CSMD1: variants seen among roughly 807,000 people sequenced by gnomAD.
CSMD1 encodes the protein CUB and Sushi multiple domains 1.
CSMD1 carries 213 observed loss-of-function variants against 417.5 expected under a neutral mutation model. The ratio of observed to expected loss-of-function variants is 0.51; its 90% CI spans 0.46 to 0.57. The LOEUF is 0.57. CSMD1 is among the 20% of genes least tolerant of loss of function. The pLI is 0.00. For synonymous variants in CSMD1, 2,862 were observed against 1,736.8 expected, an observed-to-expected ratio of 1.65 and a Z score of -16.11; for missense variants, 6,923 against 4,529.7, an observed-to-expected ratio of 1.53 and a Z score of -15.17.
At chr8:4,911,439 G>A (rs1366486641) in intron 1 of CSMD1, among the ~76,000 whole-genome samples, 1 of 152,136 alleles carries the variant, frequency 6.6e-6, no homozygotes, top group African/African-American at 2.4e-5. Context: ...TATTTTTCCA[G>A]GTCCCATGAA....
At chr8:4,886,011 G>C (rs567293818) in intron 1 of CSMD1, among the ~76,000 whole-genome samples, 64 of 151,910 alleles carry the variant, frequency 4.2e-4, no homozygotes, top group Non-Finnish European at 8.4e-4. Context: ...ACTTATTTGA[G>C]ACAGTGTCTC....
intron 29 of CSMD1, 124 bp from the exon 30 acceptor site, chr8:3,214,815 A>G (rs908412350): frequency 9.2e-6 from 5 of 544,356 alleles, no homozygotes; most frequent in African/African-American, 7.6e-5. Flanking sequence ...TAAATAAGTA[A>G]GAAATGCTCA....
intron 11 of CSMD1, among the ~76,000 whole-genome samples, chr8:3,490,005 T>C (rs1175191137): frequency 2.6e-5 from 4 of 152,230 alleles, no homozygotes; most frequent in African/African-American, 9.6e-5. Flanking sequence ...TCCAATTAGA[T>C]GATAGACTCC....
chr8:2,936,618 CATA>C lies in CSMD1; in HGVS notation c.*1964_*1966del, dbSNP rs1801505615. Reference sequence around the variant, plus strand: ...AGGGAAAACTGTGCAGAGAATTCAGCATAATGATACAGAATCCAACAGCGTGGG... The same window carrying C: ...AGGGAAAACTGTGCAGAGAATTCAGCATGATACAGAATCCAACAGCGTGGG... On this transcript the variant is annotated 3_prime_UTR_variant, in exon 70 of 70. Coordinates refer to ENST00000635120, the MANE Select transcript of CSMD1 (RefSeq NM_033225.6). 6.6e-6 allele frequency: 1 copy of C among 152,180 alleles called. No individual in the cohort carries two copies. The highest frequency in any genetic ancestry group is 6.5e-5 in the Admixed American group (1 of 15,278). 9.4% of individuals were successfully genotyped at this position (152,180 alleles called of 1,614,324 possible). A position where few individuals can be genotyped will look rare whatever the true frequency, so the allele number is the denominator to read the frequency against.
intron 18 of CSMD1, among the ~76,000 whole-genome samples, chr8:3,385,180 G>A (rs7823226): frequency 0.69 from 93,914 of 136,942 alleles, 32,640 homozygotes; most frequent in Middle Eastern, 0.79. Context: ...TAAATATATA[G>A]AAGTCTAAAT....
At chr8:3,011,599 T>A (rs904881328) in intron 52 of CSMD1, among the ~76,000 whole-genome samples, 5 of 152,152 alleles carry the variant, frequency 3.3e-5, no homozygotes, top group Non-Finnish European at 5.9e-5. Flanking sequence ...AATAGCGCAA[T>A]AAATGCAAAC....
rs541229905 is a variant in CSMD1, at chr8:3,604,496, G to A, written c.1097+12214C>T. On this transcript the variant is annotated intron_variant, in intron 8 of 69. Coordinates refer to ENST00000635120, the MANE Select transcript of CSMD1 (RefSeq NM_033225.6). ...CGAGAAGGATCATAGAAATGAAGAC[G>A]TGCTAAAGAGGAGAGCCAATACCAC... Among the ~76,000 whole-genome samples, 11 of 152,166 alleles carry A rather than the reference G, an allele frequency of 7.2e-5. No individual in the cohort carries two copies. The South Asian group carries it at 1.2e-3, about 17-fold the overall frequency.
chr8:4,106,870 T>C (rs1195832557), intron 3 of CSMD1, among the ~76,000 whole-genome samples: 7 of 152,150 alleles, frequency 4.6e-5, no homozygotes, highest in South Asian at 4.1e-4. Context: ...CCGCATTTCT[T>C]CAACTCAAGT....
At chr8:3,496,858 C>G (rs1345075089) in intron 10 of CSMD1, among the ~76,000 whole-genome samples, 2 of 152,076 alleles carry the variant, frequency 1.3e-5, no homozygotes, top group Non-Finnish European at 2.9e-5. Flanking sequence ...AAATTTTGTT[C>G]TTAATTTCTT....
chr8:4,979,509 T>A (rs1810757066), intron 1 of CSMD1, among the ~76,000 whole-genome samples: 1 of 152,228 alleles, frequency 6.6e-6, no homozygotes, highest in Non-Finnish European at 1.5e-5. Flanking sequence ...AAATTATTTC[T>A]ATCATAAGAT....
intron 3 of CSMD1, among the ~76,000 whole-genome samples, chr8:4,070,956 A>G (rs1193370829): frequency 6.6e-6 from 1 of 152,180 alleles, no homozygotes; most frequent in Non-Finnish European, 1.5e-5. Flanking sequence ...TTGATGTAAA[A>G]TCAGCAATAA....
intron 3 of CSMD1, among the ~76,000 whole-genome samples, chr8:4,048,021 G>C (rs57426363): frequency 0.038 from 5,814 of 152,068 alleles, 348 homozygotes; most frequent in African/African-American, 0.12. Flanking sequence ...AGATCAAACC[G>C]TTTTGCCCAC....
intron 2 of CSMD1, among the ~76,000 whole-genome samples, chr8:4,485,665 G>T (rs1432875585): frequency 6.6e-6 from 1 of 152,066 alleles, no homozygotes; most frequent in South Asian, 2.1e-4. Context: ...CCAGGTAAAT[G>T]AGGCTGACCA....
chr8:4,163,907 A>C (rs1797306493), intron 3 of CSMD1, among the ~76,000 whole-genome samples: 1 of 152,160 alleles, frequency 6.6e-6, no homozygotes, highest in Non-Finnish European at 1.5e-5. Flanking sequence ...AGGTTTGGTT[A>C]CTCGTTAGGT....
intron 12 of CSMD1, among the ~76,000 whole-genome samples, chr8:3,462,376 C>T (rs112541790): frequency 1.3e-5 from 2 of 152,152 alleles, no homozygotes; most frequent in African/African-American, 2.4e-5. Context: ...CTGCTAGGAA[C>T]TGGGCCACAC....
At chr8:3,708,877 T>C (rs535447124) in intron 6 of CSMD1, among the ~76,000 whole-genome samples, 2 of 152,236 alleles carry the variant, frequency 1.3e-5, no homozygotes, top group African/African-American at 2.4e-5. Context: ...TTTGCTATAA[T>C]CATGAAAAAA....
intron 3 of CSMD1, among the ~76,000 whole-genome samples, chr8:4,412,786 A>C (rs1489327104): frequency 6.6e-6 from 1 of 152,112 alleles, no homozygotes; most frequent in African/African-American, 2.4e-5. Context: ...CTGATATGAC[A>C]GTTTTATTAT....
chr8:4,395,027 G>A (rs1804106151), intron 3 of CSMD1, among the ~76,000 whole-genome samples: 1 of 152,128 alleles, frequency 6.6e-6, no homozygotes. Context: ...CCCTCTGCGT[G>A]GCATATCCCA....
chr8:4,437,395 T>C (rs1585073257), intron 2 of CSMD1, among the ~76,000 whole-genome samples: 1 of 152,350 alleles, frequency 6.6e-6, no homozygotes, highest in South Asian at 2.1e-4. Context: ...ACTGTAATCA[T>C]GACTAGCAAA....
Sources: allele counts gnomAD v4.1 joint callset (sites outside exome capture counted in the v4.1 genomes callset), GRCh38; gene constraint gnomAD v4.1.1; transcripts MANE v1.5; gene names NCBI Gene and HGNC (gene_info 2026-07-23, HGNC 2026-07-21).